Variants in GABBR2 observed in about 807,000 individuals in gnomAD.
The protein encoded by GABBR2 is gamma-aminobutyric acid type B receptor subunit 2.
GABBR2 carries 23 observed loss-of-function variants against 105.6 expected under a neutral mutation model. That is an observed-to-expected ratio of 0.22 (90% confidence interval 0.16 to 0.31). GABBR2 has a LOEUF of 0.31. Ranked by LOEUF, GABBR2 falls within the 10% of genes least tolerant of loss-of-function variation. The pLI is 1.00. For missense variants in GABBR2, 734 were observed against 1,245.5 expected, an observed-to-expected ratio of 0.59 and a Z score of 6.18; for synonymous variants, 478 against 499.7, an observed-to-expected ratio of 0.96 and a Z score of 0.58.
intron 7 of GABBR2, among the ~76,000 whole-genome samples, chr9:98,451,639 C>T (rs1360041888): frequency 6.6e-6 from 1 of 150,424 alleles, no homozygotes; most frequent in Non-Finnish European, 1.5e-5. Context: ...ATTTAATGGG[C>T]CCATGTGGGG....
chr9:98,434,111 C>A (rs371442505), intron 7 of GABBR2, among the ~76,000 whole-genome samples: 3 of 152,262 alleles, frequency 2.0e-5, no homozygotes, highest in African/African-American at 4.8e-5. Flanking sequence ...TAAAAGCAGG[C>A]AGAAGAACGT....
chr9:98,484,694 A>G (rs1827006215), intron 4 of GABBR2, among the ~76,000 whole-genome samples: 1 of 152,192 alleles, frequency 6.6e-6, no homozygotes, highest in South Asian at 2.1e-4. Context: ...AAGTGCAGAT[A>G]TACTGCGTTC....
chr9:98,364,122 A>G (rs1488124099), intron 12 of GABBR2, among the ~76,000 whole-genome samples: 1 of 152,218 alleles, frequency 6.6e-6, no homozygotes, highest in Non-Finnish European at 1.5e-5. Flanking sequence ...TAAATCCAGC[A>G]AAACCGCTGT....
At chr9:98,413,731 A>G (rs1832631649) in intron 7 of GABBR2, among the ~76,000 whole-genome samples, 1 of 152,162 alleles carries the variant, frequency 6.6e-6, no homozygotes, top group African/African-American at 2.4e-5. Context: ...GGGTGCAAGT[A>G]GTGACCCTCC....
chr9:98,398,513 GC>G (rs368139546), intron 8 of GABBR2, among the ~76,000 whole-genome samples: 223 of 152,236 alleles, frequency 1.5e-3, no homozygotes, highest in African/African-American at 5.1e-3. Flanking sequence ...TGCTGCAATT[GC>G]TTGGAAAGGT....
intron 7 of GABBR2, among the ~76,000 whole-genome samples, chr9:98,437,861 C>T (rs185814500): frequency 6.6e-6 from 1 of 151,872 alleles, no homozygotes; most frequent in Non-Finnish European, 1.5e-5. Flanking sequence ...ATCTATCCAT[C>T]CATCCGTCCA....
chr9:98,365,188 G>A (rs1831654932), intron 12 of GABBR2, among the ~76,000 whole-genome samples: 1 of 152,122 alleles, frequency 6.6e-6, no homozygotes, highest in South Asian at 2.1e-4. Flanking sequence ...ACTTTGCTAG[G>A]ACTCAGTTTC....
At position 98,505,423 on chromosome 9, in the gene GABBR2, G is replaced by GGTGTGTGTGTGTGT. The variant is rs59702034; in HGVS notation, c.631-8923_631-8910dup. On this transcript the variant is annotated intron_variant, in intron 3 of 18. Coordinates refer to ENST00000259455, the MANE Select transcript of GABBR2 (RefSeq NM_005458.8). ...GTGGGTATATATCCAGCTGTATCCA[G>GGTGTGTGTGTGTGT]GTGTGTGTGTGTGTGTGTGTGTGTG... Among the ~76,000 whole-genome samples the GGTGTGTGTGTGTGT allele has an allele frequency of 1.4e-3, 208 of 148,496 alleles. 1 individual carries two copies. Among genetic ancestry groups the GGTGTGTGTGTGTGT allele is most frequent in the African/African-American group, 4.8e-3 (191 of 39,852 alleles).
intron 13 of GABBR2, among the ~76,000 whole-genome samples, chr9:98,349,716 T>G (rs1831364095): frequency 1.3e-5 from 2 of 152,306 alleles, no homozygotes; most frequent in South Asian, 4.1e-4. Context: ...GCAGTTTTCT[T>G]TTTTTATTGT....
At chr9:98,519,114 C>T (rs1314925957) in intron 3 of GABBR2, among the ~76,000 whole-genome samples, 1 of 152,234 alleles carries the variant, frequency 6.6e-6, no homozygotes, top group Non-Finnish European at 1.5e-5. Context: ...ATTGCTGCGG[C>T]TTGTTAATCT....
At chr9:98,456,294 C>A (rs996380559) in intron 6 of GABBR2, among the ~76,000 whole-genome samples, 11 of 152,178 alleles carry the variant, frequency 7.2e-5, no homozygotes, top group African/African-American at 2.7e-4. Context: ...CCAGAAAGCT[C>A]CTTGCCCAGC....
At chr9:98,478,605 T>G (rs950882155) in intron 5 of GABBR2, among the ~76,000 whole-genome samples, 2 of 152,060 alleles carry the variant, frequency 1.3e-5, no homozygotes, top group Non-Finnish European at 2.9e-5. Flanking sequence ...CCCCGTACCA[T>G]GTGGAAGGCA....
intron 13 of GABBR2, among the ~76,000 whole-genome samples, chr9:98,351,732 T>C (rs1002297868): frequency 6.6e-6 from 1 of 152,364 alleles, no homozygotes; most frequent in East Asian, 1.9e-4. Context: ...TTTTCCCAAC[T>C]TCTTTGTGTT....
At chr9:98,375,381 G>C (rs1190144322) in intron 11 of GABBR2, 2 of 152,118 alleles carry the variant, frequency 1.3e-5, no homozygotes, top group Non-Finnish European at 2.9e-5. Flanking sequence ...CATGACTTCT[G>C]CCTTCAAGCA....
intron 2 of GABBR2, among the ~76,000 whole-genome samples, chr9:98,545,600 T>C (rs1828383612): frequency 6.6e-6 from 1 of 152,182 alleles, no homozygotes; most frequent in South Asian, 2.1e-4. Flanking sequence ...AGCCCAAGCA[T>C]CAGTATTATT....
At chr9:98,395,410 G>A (rs1344632179) in intron 8 of GABBR2, among the ~76,000 whole-genome samples, 2 of 152,174 alleles carry the variant, frequency 1.3e-5, no homozygotes, top group East Asian at 3.8e-4. Flanking sequence ...GAGGGGAGAG[G>A]TGTGGCTGGG....
intron 13 of GABBR2, among the ~76,000 whole-genome samples, chr9:98,354,848 A>T (rs1054574012): frequency 4.6e-5 from 7 of 152,232 alleles, no homozygotes; most frequent in African/African-American, 1.7e-4. Context: ...ATTCCCTTCA[A>T]GAATTTTTCC....
chr9:98,589,630 C>A (rs1829120205), intron 1 of GABBR2, among the ~76,000 whole-genome samples: 1 of 151,992 alleles, frequency 6.6e-6, no homozygotes, highest in Non-Finnish European at 1.5e-5. Flanking sequence ...AAAGTGTTCT[C>A]CTATCATTCA....
intron 7 of GABBR2, among the ~76,000 whole-genome samples, chr9:98,436,347 CCATATAT>C (rs1825914343): frequency 3.2e-5 from 1 of 31,634 alleles, no homozygotes; most frequent in African/African-American, 1.8e-4. Context: ...CACACACACA[CCATATAT>C]ATATATATAT....
Sources: allele counts gnomAD v4.1 joint callset (sites outside exome capture counted in the v4.1 genomes callset), GRCh38; gene constraint gnomAD v4.1.1; transcripts MANE v1.5; gene names NCBI Gene and HGNC (gene_info 2026-07-23, HGNC 2026-07-21).